The following NCKAP5 variants were observed in gnomAD, a reference collection of about 807,000 sequenced individuals.
The protein encoded by NCKAP5 is nck-associated protein 5.
A neutral mutation model predicts 167.0 loss-of-function variants in NCKAP5; 92 were observed. The observed-to-expected ratio is 0.55, with a 90% confidence interval of 0.47 to 0.66. The LOEUF is 0.66. NCKAP5 is among the 30% of genes least tolerant of loss of function. NCKAP5 has a pLI of 0.00. For missense variants in NCKAP5, 2,378 were observed against 2,315.0 expected, an observed-to-expected ratio of 1.03 and a Z score of -0.56; for synonymous variants, 891 against 877.4, an observed-to-expected ratio of 1.02 and a Z score of -0.27.
chr2:133,544,199 C>T (rs532768915), intron 2 of NCKAP5, among the ~76,000 whole-genome samples: 5 of 152,204 alleles, frequency 3.3e-5, no homozygotes, highest in Non-Finnish European at 4.4e-5. Flanking sequence ...CCTCAGGTTA[C>T]TTATTTGGAA....
At chr2:133,569,946 T>C (rs1289121133), upstream of NCKAP5, among the ~76,000 whole-genome samples, 1 of 152,162 alleles carries the variant, frequency 6.6e-6, no homozygotes, top group Admixed American at 6.5e-5. Flanking sequence ...CACTTTTCCA[T>C]AGTGATCCCA....
intron 3 of NCKAP5, among the ~76,000 whole-genome samples, chr2:133,401,439 A>C (rs1688091954): frequency 6.6e-6 from 1 of 152,120 alleles, no homozygotes; most frequent in Non-Finnish European, 1.5e-5. Flanking sequence ...TGTCAGTCCT[A>C]TGTGTGGGAG....
At chr2:133,358,314 AC>A (rs1684874020) in intron 3 of NCKAP5, among the ~76,000 whole-genome samples, 1 of 151,866 alleles carries the variant, frequency 6.6e-6, no homozygotes, top group Admixed American at 6.6e-5. Flanking sequence ...AGTGGCTCAC[AC>A]CCGTAATCTC....
chr2:133,516,607 G>T (rs536417279), intron 3 of NCKAP5, among the ~76,000 whole-genome samples: 1 of 152,320 alleles, frequency 6.6e-6, no homozygotes, highest in African/African-American at 2.4e-5. Flanking sequence ...CAGCTGCAAA[G>T]TTTGAAAGGT....
chr2:133,263,959 C>T (rs947612183), intron 4 of NCKAP5, among the ~76,000 whole-genome samples: 1 of 152,262 alleles, frequency 6.6e-6, no homozygotes. Flanking sequence ...ACTCATTTTG[C>T]TTAATTTGCT....
At position 133,538,171 on chromosome 2, in the gene NCKAP5, C is replaced by T. The variant is rs368686986; in HGVS notation, c.-61-20584G>A. Among the ~76,000 whole-genome samples the T allele has an allele frequency of 3.9e-5, 6 of 152,298 alleles. No homozygotes were observed. The South Asian group carries it at 1.2e-3, about 32-fold the overall frequency. ...GACTCCATGCAAACCCTTTTGAAGG[C>T]ACTACTCTACTATTGCCTTTTAAAA... is the stretch of plus-strand genomic sequence containing the variant. On this transcript the variant is annotated intron_variant, in intron 2 of 19. Coordinates refer to ENST00000409261, the MANE Select transcript of NCKAP5 (RefSeq NM_207363.3).
chr2:133,602,086 C>T, the NCKAP5 span, among the ~76,000 whole-genome samples: 275 of 152,326 alleles, frequency 1.8e-3, 13 homozygotes, highest in East Asian at 0.035. Context: ...AGTGAAGAAG[C>T]TGTTGTAGAA....
At chr2:132,777,556 A>G (rs1682653966) in intron 15 of NCKAP5, among the ~76,000 whole-genome samples, 1 of 152,288 alleles carries the variant, frequency 6.6e-6, no homozygotes, top group African/African-American at 2.4e-5. Flanking sequence ...GGAAAAGAAC[A>G]TAAGTGAGAC....
At chr2:133,103,652 C>T (rs188751255) in intron 6 of NCKAP5, among the ~76,000 whole-genome samples, 23 of 152,194 alleles carry the variant, frequency 1.5e-4, no homozygotes, top group Middle Eastern at 3.4e-3. Context: ...ATTGACTGGG[C>T]GTGGTACTCC....
At chr2:133,380,888 T>C (rs1458091581) in intron 3 of NCKAP5, among the ~76,000 whole-genome samples, 1 of 152,234 alleles carries the variant, frequency 6.6e-6, no homozygotes, top group Non-Finnish European at 1.5e-5. Flanking sequence ...TTTCATCAGA[T>C]TGTCCATTTA....
rs180952286 is a variant in NCKAP5, at chr2:133,487,818, T to C, written c.69+29640A>G. Among the ~76,000 whole-genome samples, 41 of 152,242 alleles carry C rather than the reference T, an allele frequency of 2.7e-4. 1 individual carries two copies. Among genetic ancestry groups the C allele is most frequent in the African/African-American group, 7.2e-4 (30 of 41,532 alleles). On this transcript the variant is annotated intron_variant, in intron 3 of 19. Transcript: ENST00000409261. Reference sequence around the variant, plus strand: ...GCACCCAGAAAGACGTAAAGTCCAGTTCTCAAAGACCCACGACCACCAAAT... The same window carrying C: ...GCACCCAGAAAGACGTAAAGTCCAGCTCTCAAAGACCCACGACCACCAAAT...
intron 3 of NCKAP5, among the ~76,000 whole-genome samples, chr2:133,498,132 A>G (rs1368024942): frequency 6.6e-6 from 1 of 152,184 alleles, no homozygotes; most frequent in Non-Finnish European, 1.5e-5. Context: ...TCCATAAGGA[A>G]CATATGCCCG....
At chr2:133,482,214 T>TTTTTTC (rs1238811911) in intron 3 of NCKAP5, among the ~76,000 whole-genome samples, 1 of 151,730 alleles carries the variant, frequency 6.6e-6, no homozygotes, top group Non-Finnish European at 1.5e-5. Context: ...ATTTTCCTTT[T>TTTTTTC]TTTTTCTTTT....
the NCKAP5 span, among the ~76,000 whole-genome samples, chr2:133,627,089 C>T: frequency 9.9e-5 from 15 of 151,796 alleles, no homozygotes; most frequent in Non-Finnish European, 2.1e-4. Context: ...GGCCATAAAA[C>T]ATATTGGCCA....
intron 8 of NCKAP5, among the ~76,000 whole-genome samples, chr2:132,894,289 C>T (rs766652589): frequency 2.6e-5 from 4 of 152,174 alleles, no homozygotes; most frequent in Non-Finnish European, 5.9e-5. Context: ...TAACCAGTAC[C>T]TAGATGAGAA....
chr2:133,303,150 C>G (rs953404967), intron 3 of NCKAP5, 40 bp from the exon 4 acceptor site: 1 of 1,368,802 alleles, frequency 7.3e-7, no homozygotes, highest in Admixed American at 2.0e-5. Context: ...CTCACTATGA[C>G]AGTCCCCACC....
At chr2:133,416,740 T>G (rs890597921) in intron 3 of NCKAP5, among the ~76,000 whole-genome samples, 1 of 152,182 alleles carries the variant, frequency 6.6e-6, no homozygotes, top group Non-Finnish European at 1.5e-5. Flanking sequence ...GTTTTTATCA[T>G]GTCAAAGCAT....
chr2:133,017,680 T>A (rs905880772), intron 6 of NCKAP5, among the ~76,000 whole-genome samples: 1 of 151,978 alleles, frequency 6.6e-6, no homozygotes. Flanking sequence ...AATTGACAAA[T>A]CCTCATGCAT....
chr2:133,422,224 T>G (rs1200035193), intron 3 of NCKAP5, among the ~76,000 whole-genome samples: 1 of 152,212 alleles, frequency 6.6e-6, no homozygotes, highest in Non-Finnish European at 1.5e-5. Context: ...GGATGATGCA[T>G]ACATGGCCTC....
Sources: gnomAD v4.1 joint callset for allele counts (sites outside exome capture counted in the v4.1 genomes callset) on GRCh38, gnomAD v4.1.1 for gene constraint, MANE v1.5 for transcripts, NCBI Gene and HGNC (gene_info 2026-07-23, HGNC 2026-07-21) for gene names.